The following BABAM2 variants were observed in gnomAD, a reference collection of about 807,000 sequenced individuals.
The protein encoded by BABAM2 is BRISC and BRCA1 A complex member 2.
In BABAM2, 31 loss-of-function variants were observed where a neutral mutation model predicts 54.7. The ratio of observed to expected loss-of-function variants is 0.57; its 90% CI spans 0.43 to 0.77. The LOEUF is 0.77. BABAM2 is among the 30% of genes least tolerant of loss of function. The probability of loss-of-function intolerance (pLI) is 0.00; values close to 1 mark genes in which losing one functional copy is unlikely to be tolerated. For synonymous variants in BABAM2, 167 were observed against 162.9 expected, an observed-to-expected ratio of 1.03 and a Z score of -0.19; for missense variants, 364 against 455.8, an observed-to-expected ratio of 0.80 and a Z score of 1.83.
intron 4 of BABAM2, among the ~76,000 whole-genome samples, chr2:27,997,296 G>A (rs1403220123): frequency 6.6e-6 from 1 of 152,102 alleles, no homozygotes; most frequent in Non-Finnish European, 1.5e-5. Context: ...ATCAGTAAAT[G>A]ACCCAAGAGA....
At chr2:27,959,959 A>C (rs1670354128) in intron 3 of BABAM2, among the ~76,000 whole-genome samples, 1 of 151,258 alleles carries the variant, frequency 6.6e-6, no homozygotes, top group South Asian at 2.1e-4. Context: ...AGCATTTTTT[A>C]TGTCTACTTT....
chr2:28,014,069 G>A (rs912186442), intron 4 of BABAM2, among the ~76,000 whole-genome samples: 20 of 152,052 alleles, frequency 1.3e-4, no homozygotes, highest in East Asian at 3.8e-4. Flanking sequence ...TTTTCTTCAC[G>A]TTTTTGTGAA....
At position 28,325,045 on chromosome 2, in the gene BABAM2, A is replaced by G. The variant is rs1203225842; in HGVS notation, c.1089-13405A>G. 6.6e-6 allele frequency among the ~76,000 whole-genome samples: 1 copy of G among 152,038 alleles called. No homozygotes were observed. Among genetic ancestry groups the G allele is most frequent in the Non-Finnish European group, 1.5e-5 (1 of 68,030 alleles). The stretch of plus-strand genomic sequence containing the variant: ...AAGATATTTTACATTTGAATCCAGT[A>G]TATATAACTAAAACAAAAGTGCCAC... On this transcript the variant is annotated intron_variant, in intron 11 of 11. Coordinates refer to ENST00000379624, the MANE Select transcript of BABAM2 (RefSeq NM_199191.3). The surrounding 1 kb of genome is among the most constrained non-coding windows in gnomAD (Gnocchi z 4.3).
At chr2:27,958,817 A>G (rs927927278) in intron 3 of BABAM2, among the ~76,000 whole-genome samples, 9 of 152,168 alleles carry the variant, frequency 5.9e-5, no homozygotes, top group Admixed American at 5.2e-4. Context: ...TGCACACAGT[A>G]TACACTATCA....
rs1688395679 is a variant in BABAM2 at position 28,304,937 on chromosome 2, CA to C, written c.1088+6449del. ...AGGCAATCCACCTGCCTTGGCCTCC[CA>C]AAGCACTAGGATTACAGGCATGAGC... On this transcript the variant is annotated intron_variant, in intron 11 of 11. Coordinates refer to ENST00000379624, the MANE Select transcript of BABAM2 (RefSeq NM_199191.3). The surrounding 1 kb of genome is among the most constrained non-coding windows in gnomAD (Gnocchi z 4.0). Among the ~76,000 whole-genome samples, 1 of 152,150 alleles carries C rather than the reference CA, an allele frequency of 6.6e-6. No homozygotes were observed. The highest frequency in any genetic ancestry group is 1.5e-5 in the Non-Finnish European group (1 of 68,034).
chr2:28,258,615 C>CTTTTTTTTTTTTTTT lies in BABAM2; in HGVS notation c.934+13755_934+13769dup, dbSNP rs70956008. On this transcript the variant is annotated intron_variant, in intron 10 of 11. Transcript: ENST00000379624. Reference sequence around the variant, plus strand: ...CTTAAGTCTTTTTCTTTTTTCTTTTCTTTTTTTTTTTTTTTTGAGACAGGA... The same window carrying CTTTTTTTTTTTTTTT: ...CTTAAGTCTTTTTCTTTTTTCTTTTCTTTTTTTTTTTTTTTTTTTTTTTTTTTTTTTGAGACAGGA... Among the ~76,000 whole-genome samples the CTTTTTTTTTTTTTTT allele has an allele frequency of 1.2e-4, 12 of 100,044 alleles. 2 individuals carry two copies. Among genetic ancestry groups the CTTTTTTTTTTTTTTT allele is most frequent in the East Asian group, 3.0e-4 (1 of 3,336 alleles). 65.6% of individuals were successfully genotyped at this position (100,044 alleles called of 152,430 possible).
At chr2:28,326,404 G>T (rs910266691) in intron 11 of BABAM2, among the ~76,000 whole-genome samples, 3 of 152,122 alleles carry the variant, frequency 2.0e-5, no homozygotes, top group African/African-American at 7.2e-5. Context: ...AGGTGCAGAT[G>T]GGGAGACAAG....
chr2:28,137,191 A>G (rs1470665143), intron 7 of BABAM2, among the ~76,000 whole-genome samples: 1 of 152,230 alleles, frequency 6.6e-6, no homozygotes, highest in Admixed American at 6.5e-5. Flanking sequence ...TCAGGATTTA[A>G]GTAATAGAAC....
At chr2:28,125,320 G>A (rs1669420357) in intron 6 of BABAM2, among the ~76,000 whole-genome samples, 1 of 151,710 alleles carries the variant, frequency 6.6e-6, no homozygotes, top group Non-Finnish European at 1.5e-5. Context: ...TTGAGACAGA[G>A]TCTCACTCTG....
At chr2:28,028,919 A>C (rs1306351977) in intron 5 of BABAM2, among the ~76,000 whole-genome samples, 1 of 152,010 alleles carries the variant, frequency 6.6e-6, no homozygotes, top group African/African-American at 2.4e-5. Flanking sequence ...AGTGCATGCC[A>C]CCACGCCCGG....
chr2:27,955,052 A>G (rs554067889), intron 3 of BABAM2, among the ~76,000 whole-genome samples: 31 of 152,264 alleles, frequency 2.0e-4, no homozygotes, highest in Non-Finnish European at 4.0e-4. Context: ...AATAGACACC[A>G]AAAAGCTTTG....
chr2:28,129,258 C>T lies in BABAM2; in HGVS notation c.571-13C>T. The T allele has an allele frequency of 6.2e-7, 1 of 1,602,742 alleles. No homozygotes were observed. Among genetic ancestry groups the T allele is most frequent in the Non-Finnish European group, 8.5e-7 (1 of 1,169,710 alleles). ...AACAGGTGCTGATGTTGTGTTTTCA[C>T]TTCTTGTTTAAGGATGTAAATGAAG... On this transcript the variant is annotated splice_polypyrimidine_tract_variant and intron_variant, in intron 6 of 11. Coordinates refer to ENST00000379624, the MANE Select transcript of BABAM2 (RefSeq NM_199191.3).
chr2:28,246,228 T>C (rs894469201), intron 10 of BABAM2, among the ~76,000 whole-genome samples: 1 of 152,206 alleles, frequency 6.6e-6, no homozygotes, highest in African/African-American at 2.4e-5. Flanking sequence ...TCGATGGCCC[T>C]ACTAATCTGA....
At chr2:28,041,200 A>G (rs1677074874) in intron 5 of BABAM2, among the ~76,000 whole-genome samples, 1 of 152,234 alleles carries the variant, frequency 6.6e-6, no homozygotes, top group African/African-American at 2.4e-5. Context: ...TATATGTAAA[A>G]TCAGGCATAT....
chr2:28,084,964 A>T (rs1296820351), intron 6 of BABAM2, among the ~76,000 whole-genome samples: 1 of 152,144 alleles, frequency 6.6e-6, no homozygotes, highest in African/African-American at 2.4e-5. Flanking sequence ...AACAAAATTA[A>T]CTTCTTTATT....
intron 9 of BABAM2, among the ~76,000 whole-genome samples, chr2:28,241,928 C>T (rs1249035944): frequency 6.9e-6 from 1 of 145,324 alleles, no homozygotes; most frequent in Non-Finnish European, 1.5e-5. Flanking sequence ...TTCCCTAGAG[C>T]AGCAGCCTGG....
intron 7 of BABAM2, among the ~76,000 whole-genome samples, chr2:28,132,418 G>A (rs1573648087): frequency 6.6e-6 from 1 of 152,082 alleles, no homozygotes; most frequent in Non-Finnish European, 1.5e-5. Context: ...GATTACAGGC[G>A]TGAGCCACCA....
At chr2:28,140,102 CT>C (rs34257219) in intron 7 of BABAM2, among the ~76,000 whole-genome samples, 1,922 of 152,128 alleles carry the variant, frequency 0.013, 39 homozygotes, top group African/African-American at 0.044. Context: ...AGGCATATTT[CT>C]TTTTTTTCTA....
At chr2:28,314,832 T>C (rs957887379) in intron 11 of BABAM2, among the ~76,000 whole-genome samples, 25 of 151,852 alleles carry the variant, frequency 1.6e-4, no homozygotes, top group African/African-American at 5.6e-4. Flanking sequence ...GGATTTGATG[T>C]GCAGAGAGGG....
Sources: allele counts gnomAD v4.1 joint callset (sites outside exome capture counted in the v4.1 genomes callset), GRCh38; gene constraint gnomAD v4.1.1; non-coding constraint Gnocchi (gnomAD v3.1); transcripts MANE v1.5; gene names NCBI Gene and HGNC (gene_info 2026-07-23, HGNC 2026-07-21).